CEP57L1: variants seen among roughly 807,000 people sequenced by gnomAD.
CEP57L1 encodes the protein centrosomal protein 57 like 1, also known as centrosomal protein CEP57L1.
In CEP57L1, 37 loss-of-function variants were observed where a neutral mutation model predicts 61.0. The ratio of observed to expected loss-of-function variants is 0.61; its 90% CI spans 0.47 to 0.80. CEP57L1 has a LOEUF of 0.80. Among genes scored for constraint, CEP57L1 ranks in the 30% least tolerant of loss-of-function variants. The pLI, the probability that CEP57L1 is intolerant of heterozygous loss-of-function variation, is 0.00. For missense variants in CEP57L1, 422 were observed against 524.7 expected, an observed-to-expected ratio of 0.80 and a Z score of 1.91; for synonymous variants, 137 against 162.3, an observed-to-expected ratio of 0.84 and a Z score of 1.19.
chr6:109,118,924 G>A (rs1393791513), intron 1 of CEP57L1, among the ~76,000 whole-genome samples: 13 of 152,118 alleles, frequency 8.5e-5, no homozygotes, highest in African/African-American at 1.9e-4. Context: ...TGAATGAGGC[G>A]TGCAGTTCAG....
chr6:109,096,020 G>A (rs1781657987), intron 1 of CEP57L1, among the ~76,000 whole-genome samples: 1 of 152,164 alleles, frequency 6.6e-6, no homozygotes, highest in Non-Finnish European at 1.5e-5. Context: ...TCTCGTAAAA[G>A]AATCCCCAGT....
chr6:109,133,016 C>T (rs1209376096), intron 1 of CEP57L1, among the ~76,000 whole-genome samples: 3 of 152,092 alleles, frequency 2.0e-5, no homozygotes, highest in Non-Finnish European at 2.9e-5. Flanking sequence ...AAATTAATAT[C>T]TACCCAGTAG....
intron 1 of CEP57L1, chr6:109,124,918 G>C (rs1773371053): frequency 6.6e-6 from 1 of 152,150 alleles, no homozygotes; most frequent in Non-Finnish European, 1.5e-5. Flanking sequence ...GGGACTGCCT[G>C]GGGTTGTATT....
At chr6:109,131,059 A>G (rs1774140810) in intron 1 of CEP57L1, among the ~76,000 whole-genome samples, 1 of 152,188 alleles carries the variant, frequency 6.6e-6, no homozygotes, top group African/African-American at 2.4e-5. Flanking sequence ...GATTTTTCAT[A>G]TCTATCAAGG....
Position 109,171,442 on chromosome 6 carries a change from A to G in CEP57L1, c.*8472A>G, listed in dbSNP as rs921202253. ...GCATTTTTAATAGAAACGGGGTTTC[A>G]CCGTGTTAGCCAGGCTGGTCTCGAA... On this transcript the variant is annotated 3_prime_UTR_variant, in exon 11 of 11. Coordinates refer to ENST00000517392, the MANE Select transcript of CEP57L1 (RefSeq NM_001271852.3). Among the ~76,000 whole-genome samples, 49 of 151,180 alleles carry G rather than the reference A, an allele frequency of 3.2e-4. No homozygotes were observed. Among genetic ancestry groups the G allele is most frequent in the African/African-American group, 1.1e-3 (46 of 41,040 alleles).
chr6:109,115,045 A>G (rs1772118947), intron 1 of CEP57L1, among the ~76,000 whole-genome samples: 1 of 152,148 alleles, frequency 6.6e-6, no homozygotes, highest in Non-Finnish European at 1.5e-5. Flanking sequence ...AAGCAACTAA[A>G]TTAATCAGAT....
chr6:109,129,618 G>A, intron 1 of CEP57L1: 1 of 426,764 alleles, frequency 2.3e-6, no homozygotes, highest in South Asian at 1.7e-5. Context: ...ACAGAGGTGT[G>A]GCTAATTCCT....
At chr6:109,102,384 T>C (rs1227224573) in intron 1 of CEP57L1, among the ~76,000 whole-genome samples, 1 of 152,198 alleles carries the variant, frequency 6.6e-6, no homozygotes, top group African/African-American at 2.4e-5. Context: ...AAGAGTGCTT[T>C]GTATATTTTG....
At chr6:109,154,130 T>G (rs1437430320) in intron 5 of CEP57L1, among the ~76,000 whole-genome samples, 181 bp downstream of exon 5, 4 of 152,214 alleles carry the variant, frequency 2.6e-5, no homozygotes, top group Non-Finnish European at 5.9e-5. Context: ...ACAGTATGAA[T>G]GAGCTGTCTT....
rs1418791624 is a variant in CEP57L1 at position 109,169,307 on chromosome 6, G to A, written c.*6337G>A. Among the ~76,000 whole-genome samples, 1 of 151,738 alleles carries A rather than the reference G, an allele frequency of 6.6e-6. No homozygotes were observed. The highest frequency in any genetic ancestry group is 2.4e-5 in the African/African-American group (1 of 41,274). On this transcript the variant is annotated 3_prime_UTR_variant, in exon 11 of 11. Coordinates refer to ENST00000517392, the MANE Select transcript of CEP57L1 (RefSeq NM_001271852.3). ...ATGTTTTGTGAAACTTTGTGAGTAC[G>A]GGTTGTCATTTTTAATGTAGCCCTA...
At chr6:109,152,532 T>C (rs931326983) in intron 4 of CEP57L1, among the ~76,000 whole-genome samples, 18 of 152,132 alleles carry the variant, frequency 1.2e-4, no homozygotes, top group Non-Finnish European at 2.4e-4. Context: ...ATTGAGCAGA[T>C]AGTATAGAAA....
intron 1 of CEP57L1, among the ~76,000 whole-genome samples, chr6:109,111,914 G>A (rs1396500897): frequency 6.6e-6 from 1 of 152,210 alleles, no homozygotes; most frequent in Non-Finnish European, 1.5e-5. Context: ...TGTGCTGCTG[G>A]ATTCAGCTTG....
intron 1 of CEP57L1, among the ~76,000 whole-genome samples, chr6:109,121,770 T>G (rs894467158): frequency 2.0e-5 from 3 of 152,196 alleles, no homozygotes; most frequent in Non-Finnish European, 4.4e-5. Context: ...GGATGAGACT[T>G]TTTATATTTA....
chr6:109,099,193 A>G (rs1350203397), intron 1 of CEP57L1, among the ~76,000 whole-genome samples: 1 of 152,206 alleles, frequency 6.6e-6, no homozygotes, highest in African/African-American at 2.4e-5. Context: ...GGCAATAGAT[A>G]TAATTTTGGA....
chr6:109,130,147 C>G (rs533293072), intron 1 of CEP57L1, among the ~76,000 whole-genome samples: 14 of 152,234 alleles, frequency 9.2e-5, no homozygotes, highest in African/African-American at 3.1e-4. Context: ...TCCCCTACTA[C>G]GCATTGTTAT....
At chr6:109,162,040 C>G (rs1193838063) in intron 10 of CEP57L1, among the ~76,000 whole-genome samples, 1 of 151,996 alleles carries the variant, frequency 6.6e-6, no homozygotes, top group Non-Finnish European at 1.5e-5. Context: ...TCTGCCTCCA[C>G]TATTACCATA....
rs118139647 is a variant in CEP57L1 at position 109,132,296 on chromosome 6, G to A, written c.-3-12923G>A. The stretch of plus-strand genomic sequence containing the variant: ...ATTAGAACTCTAAATGTATGAATAA[G>A]ACCAGCCTGGGCAATATAGTGAGAC... On this transcript the variant is annotated intron_variant, in intron 1 of 10. Coordinates refer to ENST00000517392, the MANE Select transcript of CEP57L1 (RefSeq NM_001271852.3). 5.6e-3 allele frequency among the ~76,000 whole-genome samples: 859 copies of A among 152,216 alleles called. 5 individuals are homozygous for A. The highest frequency in any genetic ancestry group is 8.7e-3 in the Non-Finnish European group (593 of 67,994).
intron 1 of CEP57L1, among the ~76,000 whole-genome samples, chr6:109,140,894 G>T (rs564656580): frequency 2.0e-5 from 3 of 151,782 alleles, no homozygotes; most frequent in East Asian, 3.9e-4. Context: ...GCAGCGGTGC[G>T]ATCTCGGCTC....
chr6:109,148,525 A>G (rs1288768721), intron 3 of CEP57L1, among the ~76,000 whole-genome samples: 1 of 152,092 alleles, frequency 6.6e-6, no homozygotes, highest in Non-Finnish European at 1.5e-5. Context: ...TCATTGTTGG[A>G]CATTTGGGTA....
Sources: gnomAD v4.1 joint callset for allele counts (sites outside exome capture counted in the v4.1 genomes callset) on GRCh38, gnomAD v4.1.1 for gene constraint, MANE v1.5 for transcripts, NCBI Gene and HGNC (gene_info 2026-07-23, HGNC 2026-07-21) for gene names.